The following FMN1 variants were observed in gnomAD, a reference collection of about 807,000 sequenced individuals.
The protein encoded by FMN1 is formin-1.
FMN1 carries 110 observed loss-of-function variants against 132.4 expected under a neutral mutation model. That is an observed-to-expected ratio of 0.83 (90% confidence interval 0.71 to 0.97). The LOEUF is 0.97. Among genes scored for constraint, FMN1 ranks in the 50% least tolerant of loss-of-function variants. FMN1 has a pLI of 0.00. For missense variants in FMN1, 1,792 were observed against 1,705.3 expected, an observed-to-expected ratio of 1.05 and a Z score of -0.90; for synonymous variants, 722 against 651.7, an observed-to-expected ratio of 1.11 and a Z score of -1.64.
intron 6 of FMN1, among the ~76,000 whole-genome samples, chr15:33,016,264 C>T (rs1180017875): frequency 2.0e-5 from 3 of 152,178 alleles, no homozygotes; most frequent in African/African-American, 4.8e-5. Flanking sequence ...AGTGAATGCA[C>T]AAAGCTTCTC....
At chr15:33,048,644 A>AAAAAAAAAACAAAAAAAAAACAAAAAC in intron 6 of FMN1, among the ~76,000 whole-genome samples, 1 of 86,920 alleles carries the variant, frequency 1.2e-5, no homozygotes, top group Non-Finnish European at 2.4e-5. Context: ...AAAAAAAAAA[A>AAAAAAAAAACAAAAAAAAAACAAAAAC]AAAAACCAAC....
At chr15:32,887,835 G>A (rs946252823) in intron 16 of FMN1, among the ~76,000 whole-genome samples, 1 of 152,064 alleles carries the variant, frequency 6.6e-6, no homozygotes, top group African/African-American at 2.4e-5. Context: ...TGTAGTTCCA[G>A]CTTATTAAGA....
At chr15:33,044,794 G>A (rs539874932) in intron 6 of FMN1, among the ~76,000 whole-genome samples, 3 of 152,314 alleles carry the variant, frequency 2.0e-5, no homozygotes, top group African/African-American at 7.2e-5. Context: ...GCTGTACAGA[G>A]GAGCTACCCA....
rs191433256 is a variant in FMN1, at chr15:32,960,944, G to A, written c.3138+3163C>T. Among the ~76,000 whole-genome samples the A allele has an allele frequency of 5.2e-3, 648 of 124,386 alleles. 8 individuals are homozygous for A. The highest frequency in any genetic ancestry group is 0.019 in the African/African-American group (630 of 32,388). The allele number at this position is 124,386 out of a possible 152,430, so 81.6% of individuals were successfully genotyped here. ...CCAGAGGCAGAGGTTGCAGTGAGCC[G>A]AGATCACACCATTGCACTCCCACCT... On this transcript the variant is annotated intron_variant, in intron 9 of 20. Transcript: ENST00000616417.
chr15:33,184,167 G>A (rs1965799224), intron 2 of FMN1, among the ~76,000 whole-genome samples: 1 of 152,090 alleles, frequency 6.6e-6, no homozygotes, highest in Non-Finnish European at 1.5e-5. Context: ...ATCCATGCAG[G>A]TAGATTCATA....
chr15:33,108,303 G>A lies in FMN1; in HGVS notation c.1868-19329C>T, dbSNP rs201126496. Among the ~76,000 whole-genome samples, 11 of 152,148 alleles carry A rather than the reference G, an allele frequency of 7.2e-5. No homozygotes were observed. The East Asian group carries it at 1.7e-3, about 24-fold the overall frequency. On this transcript the variant is annotated intron_variant, in intron 4 of 20. Transcript: ENST00000616417. The stretch of plus-strand genomic sequence containing the variant: ...CTGCTTTGGTAAAAGTTTTGATGGA[G>A]GGGGAAAAACATAAAGCTAAAGGAC...
chr15:33,143,690 G>A (rs1964097984), intron 4 of FMN1, among the ~76,000 whole-genome samples: 1 of 152,090 alleles, frequency 6.6e-6, no homozygotes, highest in African/African-American at 2.4e-5. Context: ...TTACTCCTAA[G>A]GACAATTTGT....
chr15:32,791,747 A>G (rs973867068), intron 19 of FMN1, among the ~76,000 whole-genome samples: 2 of 152,240 alleles, frequency 1.3e-5, no homozygotes, highest in African/African-American at 2.4e-5. Context: ...CAGTAAAAAT[A>G]ATTCTCATTC....
intron 7 of FMN1, among the ~76,000 whole-genome samples, chr15:32,979,648 A>C (rs961126932): frequency 6.6e-6 from 1 of 151,926 alleles, no homozygotes; most frequent in Non-Finnish European, 1.5e-5. Flanking sequence ...AGTTATGATG[A>C]ATTTCCAGGA....
chr15:32,999,239 G>C (rs957487128), intron 7 of FMN1, among the ~76,000 whole-genome samples: 1 of 152,078 alleles, frequency 6.6e-6, no homozygotes. Flanking sequence ...GTATTATCTG[G>C]GAATTAAGAG....
intron 7 of FMN1, among the ~76,000 whole-genome samples, chr15:33,004,184 T>C (rs2034278112): frequency 6.6e-6 from 1 of 151,946 alleles, no homozygotes; most frequent in South Asian, 2.1e-4. Flanking sequence ...AAAACCAAAA[T>C]TGACAAATGG....
At chr15:32,958,079 G>C (rs1363469622) in intron 9 of FMN1, among the ~76,000 whole-genome samples, 1 of 152,070 alleles carries the variant, frequency 6.6e-6, no homozygotes, top group Non-Finnish European at 1.5e-5. Flanking sequence ...AAAAACACCA[G>C]CTCCAAATCT....
At chr15:33,059,466 T>C (rs945896260) in intron 6 of FMN1, among the ~76,000 whole-genome samples, 1 of 152,194 alleles carries the variant, frequency 6.6e-6, no homozygotes, top group Non-Finnish European at 1.5e-5. Context: ...TTCAGGAACT[T>C]CCATATAATT....
intron 17 of FMN1, among the ~76,000 whole-genome samples, chr15:32,832,284 C>G (rs2058521089): frequency 6.6e-6 from 1 of 152,126 alleles, no homozygotes; most frequent in South Asian, 2.1e-4. Flanking sequence ...ATTCTGAATT[C>G]CAAGTCTAGG....
chr15:33,127,950 G>A (rs892224406), intron 4 of FMN1, among the ~76,000 whole-genome samples: 1 of 152,072 alleles, frequency 6.6e-6, no homozygotes, highest in Non-Finnish European at 1.5e-5. Flanking sequence ...CAACAGGACA[G>A]GAGAAAGGAA....
At chr15:32,806,071 G>A (rs1368130355) in intron 17 of FMN1, among the ~76,000 whole-genome samples, 1 of 152,006 alleles carries the variant, frequency 6.6e-6, no homozygotes, top group Non-Finnish European at 1.5e-5. Flanking sequence ...CAGAAAAATA[G>A]GAAAGTTGTT....
chr15:32,806,017 AT>A (rs1035212960), intron 17 of FMN1, among the ~76,000 whole-genome samples: 1 of 152,214 alleles, frequency 6.6e-6, no homozygotes, highest in Admixed American at 6.5e-5. Flanking sequence ...ATCAGAAGAT[AT>A]ATTATTATAT....
intron 17 of FMN1, among the ~76,000 whole-genome samples, chr15:32,829,187 T>C (rs1359496181): frequency 6.6e-6 from 1 of 152,230 alleles, no homozygotes; most frequent in African/African-American, 2.4e-5. Flanking sequence ...CTAGTTAATA[T>C]TGATGTAACT....
intron 4 of FMN1, among the ~76,000 whole-genome samples, chr15:33,110,326 A>C (rs575580404): frequency 6.6e-6 from 1 of 152,222 alleles, no homozygotes; most frequent in African/African-American, 2.4e-5. Context: ...GTTAAAAAAC[A>C]CAGGAAATGC....
Sources: allele counts gnomAD v4.1 joint callset (sites outside exome capture counted in the v4.1 genomes callset), GRCh38; gene constraint gnomAD v4.1.1; transcripts MANE v1.5; gene names NCBI Gene and HGNC (gene_info 2026-07-23, HGNC 2026-07-21).